Variants in ELMO1 observed in about 807,000 individuals in gnomAD.
The protein encoded by ELMO1 is engulfment and cell motility protein 1.
ELMO1 carries 26 observed loss-of-function variants against 98.9 expected under a neutral mutation model. The observed-to-expected ratio is 0.26, with a 90% CI of 0.19 to 0.36. ELMO1 has a LOEUF of 0.36. ELMO1 is among the 10% of genes least tolerant of loss of function. The pLI is 1.00. For synonymous variants in ELMO1, 346 were observed against 346.0 expected (o/e 1.00, Z 0.00); for missense variants, 627 against 935.2 (o/e 0.67, Z 4.30).
intron 16 of ELMO1, among the ~76,000 whole-genome samples, chr7:37,003,053 T>C (rs753096639): frequency 5.3e-5 from 8 of 152,212 alleles, no homozygotes; most frequent in Non-Finnish European, 1.2e-4. Context: ...GACTTCCTCC[T>C]ACACAGTTGG....
intron 13 of ELMO1, among the ~76,000 whole-genome samples, chr7:37,161,569 T>A (rs1247361912): frequency 6.6e-6 from 1 of 152,104 alleles, no homozygotes. Flanking sequence ...TTTATGAAGA[T>A]TTCTCTGGCA....
intron 14 of ELMO1, among the ~76,000 whole-genome samples, chr7:37,130,932 C>T (rs2541093): frequency 0.14 from 21,500 of 151,876 alleles, 2,306 homozygotes; most frequent in African/African-American, 0.29. Flanking sequence ...CTCAAAAAGG[C>T]GGATTTTTAT....
intron 13 of ELMO1, among the ~76,000 whole-genome samples, chr7:37,146,738 C>T (rs1263537418): frequency 6.6e-6 from 1 of 152,158 alleles, no homozygotes; most frequent in African/African-American, 2.4e-5. Context: ...ACAGAGAAGA[C>T]AGTCTATCAA....
At chr7:37,433,033 C>T (rs748414156) in intron 1 of ELMO1, among the ~76,000 whole-genome samples, 5 of 152,298 alleles carry the variant, frequency 3.3e-5, no homozygotes, top group Non-Finnish European at 4.4e-5. Flanking sequence ...GTAACTGTTG[C>T]CTCCTAGGGT....
chr7:37,053,901 C>T (rs982620108), intron 15 of ELMO1, among the ~76,000 whole-genome samples: 1 of 152,066 alleles, frequency 6.6e-6, no homozygotes, highest in Non-Finnish European at 1.5e-5. Flanking sequence ...TGATATTTGT[C>T]CCATGGTTTC....
chr7:36,961,274 G>A (rs1199939735), intron 16 of ELMO1, among the ~76,000 whole-genome samples: 5 of 152,270 alleles, frequency 3.3e-5, no homozygotes, highest in Non-Finnish European at 7.4e-5. Context: ...CAGAAGATGT[G>A]TACCCTGGGC....
chr7:37,139,291 G>T (rs1480869478), intron 13 of ELMO1, among the ~76,000 whole-genome samples: 1 of 152,142 alleles, frequency 6.6e-6, no homozygotes, highest in Non-Finnish European at 1.5e-5. Context: ...GTCACTGTTT[G>T]CTGATGATAT....
intron 6 of ELMO1, among the ~76,000 whole-genome samples, chr7:37,256,744 AGG>A (rs1471469883): frequency 0.012 from 1,187 of 102,366 alleles, 27 homozygotes; most frequent in African/African-American, 0.046. Context: ...AGGGAAGGGA[AGG>A]GAAGGGAAGG....
chr7:37,290,144 T>C (rs147145591), intron 4 of ELMO1, among the ~76,000 whole-genome samples: 50 of 152,374 alleles, frequency 3.3e-4, no homozygotes, highest in African/African-American at 9.9e-4. Context: ...AATGTGGCTA[T>C]CCAGATGAAT....
intron 16 of ELMO1, among the ~76,000 whole-genome samples, chr7:36,940,495 G>A (rs1266145306): frequency 6.6e-6 from 1 of 152,170 alleles, no homozygotes; most frequent in Non-Finnish European, 1.5e-5. Flanking sequence ...CACAGGCTTG[G>A]GCAAGATACA....
chr7:37,060,446 G>A (rs1307029981), intron 15 of ELMO1, among the ~76,000 whole-genome samples: 1 of 152,148 alleles, frequency 6.6e-6, no homozygotes, highest in Admixed American at 6.6e-5. Context: ...TTATAAGTGG[G>A]AGCTAAACGC....
intron 16 of ELMO1, among the ~76,000 whole-genome samples, chr7:36,982,035 G>A (rs1278234951): frequency 6.6e-6 from 1 of 152,178 alleles, no homozygotes; most frequent in Non-Finnish European, 1.5e-5. Context: ...CGGTGGCTAG[G>A]GAAGCCTTGG....
intron 1 of ELMO1, among the ~76,000 whole-genome samples, chr7:37,383,456 A>G (rs1802659998): frequency 6.6e-6 from 1 of 152,248 alleles, no homozygotes; most frequent in Non-Finnish European, 1.5e-5. Flanking sequence ...AGAGACGTTA[A>G]CTTTGACCAC....
chr7:36,902,021 CT>C (rs1000819001), intron 16 of ELMO1, among the ~76,000 whole-genome samples: 3 of 152,330 alleles, frequency 2.0e-5, no homozygotes, highest in Admixed American at 6.5e-5. Context: ...TGTCCTTGCT[CT>C]TTTCTGCCTC....
Position 37,244,486 on chromosome 7 carries a change from T to C in ELMO1, c.414-95A>G. The C allele has an allele frequency of 3.0e-6, 4 of 1,329,090 alleles. No individual in the cohort carries two copies. The Admixed American group carries it at 6.1e-5, about 20-fold the overall frequency. The allele number at this position is 1,329,090 out of a possible 1,614,324, so 82.3% of individuals were successfully genotyped here. On this transcript the variant is annotated intron_variant, in intron 6 of 21. Coordinates refer to ENST00000310758, the MANE Select transcript of ELMO1 (RefSeq NM_014800.11). ...CTTGAAGAAAACTCAGGATTAGATT[T>C]AGGACAGATTTAACTGCCATGAAGT...
intron 13 of ELMO1, among the ~76,000 whole-genome samples, chr7:37,182,267 C>A (rs1463159677): frequency 6.6e-6 from 1 of 152,138 alleles, no homozygotes; most frequent in Admixed American, 6.5e-5. Context: ...GAGTTTTATA[C>A]ACCGGCAGAT....
intron 4 of ELMO1, among the ~76,000 whole-genome samples, chr7:37,293,766 C>A (rs1329660362): frequency 9.9e-5 from 10 of 100,866 alleles, no homozygotes; most frequent in Non-Finnish European, 1.6e-4. Flanking sequence ...ACTCTATATC[C>A]AAAAAAAAAA....
intron 16 of ELMO1, among the ~76,000 whole-genome samples, chr7:36,980,822 C>A (rs1218215088): frequency 6.6e-6 from 1 of 152,162 alleles, no homozygotes; most frequent in Non-Finnish European, 1.5e-5. Flanking sequence ...TGAAAATCAG[C>A]AGATACACAA....
At chr7:36,930,549 G>C (rs1028374723) in intron 16 of ELMO1, among the ~76,000 whole-genome samples, 3 of 152,200 alleles carry the variant, frequency 2.0e-5, no homozygotes, top group African/African-American at 7.2e-5. Context: ...GCTGTGCTCT[G>C]TTACTCACTC....
Sources: gnomAD v4.1 joint callset for allele counts (sites outside exome capture counted in the v4.1 genomes callset) on GRCh38, gnomAD v4.1.1 for gene constraint, MANE v1.5 for transcripts, NCBI Gene and HGNC (gene_info 2026-07-23, HGNC 2026-07-21) for gene names.